The following CFAP20 variants were observed in gnomAD, a reference collection of about 807,000 sequenced individuals.
The protein encoded by CFAP20 is cilia and flagella associated protein 20.
CFAP20 carries 14 observed loss-of-function variants against 25.5 expected under a neutral mutation model. The ratio of observed to expected loss-of-function variants is 0.55; its 90% confidence interval spans 0.36 to 0.86. The LOEUF (loss-of-function observed/expected upper bound fraction) is 0.86, where lower values mean the gene tolerates loss of function less well. CFAP20 is among the 40% of genes least tolerant of loss of function. The pLI, the probability that CFAP20 is intolerant of heterozygous loss-of-function variation, is 0.01. For missense variants in CFAP20, 181 were observed against 248.0 expected (o/e 0.73, Z 1.81); for synonymous variants, 75 against 91.1 (o/e 0.82, Z 1.01).
At position 58,128,373 on chromosome 16, in the gene CFAP20, G is replaced by GCA. The variant is rs1459158674; in HGVS notation, c.84+657_84+658dup. On this transcript the variant is annotated intron_variant, in intron 1 of 5. Coordinates refer to ENST00000262498, the MANE Select transcript of CFAP20 (RefSeq NM_013242.3). ...CTGATGGAGAAATCAGGCACCGAGG[G>GCA]CATAGTACAGGCAAGTCACAGTGAG... Among the ~76,000 whole-genome samples, 5 of 152,272 alleles carry GCA rather than the reference G, an allele frequency of 3.3e-5. No individual in the cohort carries two copies. In the East Asian group the frequency reaches 9.7e-4, roughly 29 times the overall value.
chr16:58,123,412 C>T (rs567835436), intron 1 of CFAP20, among the ~76,000 whole-genome samples: 55 of 148,770 alleles, frequency 3.7e-4, no homozygotes, highest in African/African-American at 8.3e-4. Context: ...CTGGCTAACA[C>T]GGTGAAAACC....
At chr16:58,115,008 G>A in intron 4 of CFAP20, 88 bp from the exon 5 acceptor site, 1 of 1,225,294 alleles carries the variant, frequency 8.2e-7, no homozygotes, top group South Asian at 1.3e-5. Context: ...TCCAGGACTG[G>A]AAACGCGTCA....
At chr16:58,119,804 C>T (rs1278743646) in intron 1 of CFAP20, among the ~76,000 whole-genome samples, 1 of 151,254 alleles carries the variant, frequency 6.6e-6, no homozygotes, top group Non-Finnish European at 1.5e-5. Flanking sequence ...ACCTCACTCG[C>T]CATCTACTGT....
chr16:58,121,771 T>C (rs1960538431), intron 1 of CFAP20, among the ~76,000 whole-genome samples: 2 of 151,864 alleles, frequency 1.3e-5, no homozygotes, highest in South Asian at 4.2e-4. Flanking sequence ...CTCCCCGCAA[T>C]GTAAGCCTCA....
chr16:58,124,028 A>C (rs1419028677), intron 1 of CFAP20, among the ~76,000 whole-genome samples: 1 of 152,200 alleles, frequency 6.6e-6, no homozygotes, highest in Non-Finnish European at 1.5e-5. Context: ...GCCCAGCAGA[A>C]GGACCAGGAA....
intron 3 of CFAP20, 129 bp from the exon 4 acceptor site, chr16:58,115,586 AC>A: frequency 9.0e-7 from 1 of 1,111,690 alleles, no homozygotes; most frequent in Non-Finnish European, 1.3e-6. Context: ...AAATAAACAG[AC>A]CAGACACAGG....
intron 2 of CFAP20, 174 bp downstream of exon 2, chr16:58,116,686 TCTGCCCATTGTA>T: frequency 1.8e-6 from 1 of 548,714 alleles, no homozygotes; most frequent in Non-Finnish European, 3.2e-6. Context: ...GTACTATTAT[TCTGCCCATTGTA>T]CAGATGAGTA....
At chr16:58,118,752 G>T (rs184150820) in intron 1 of CFAP20, among the ~76,000 whole-genome samples, 1 of 152,072 alleles carries the variant, frequency 6.6e-6, no homozygotes, top group Admixed American at 6.6e-5. Context: ...AGCCTGGGAG[G>T]TCGAGGCTGC....
intron 1 of CFAP20, among the ~76,000 whole-genome samples, chr16:58,121,936 G>C (rs756543312): frequency 6.6e-6 from 1 of 152,220 alleles, no homozygotes; most frequent in Non-Finnish European, 1.5e-5. Flanking sequence ...CACCCACTCA[G>C]CCTGGCAGGC....
rs112096563 is a variant in CFAP20 at position 58,114,307 on chromosome 16, C to T, written c.577-277G>A. ...GTTTGGGAGGCCGAGGCAGGCGGAT[C>T]ACTTGAGGTCAGGAGTTTGAGACCA... On this transcript the variant is annotated intron_variant, in intron 5 of 5. Transcript: ENST00000262498. 9.3e-3 allele frequency among the ~76,000 whole-genome samples: 1,414 copies of T among 152,274 alleles called. 21 individuals carry two copies. Among genetic ancestry groups the T allele is most frequent in the African/African-American group, 0.032 (1,340 of 41,568 alleles).
At chr16:58,117,226 C>T (rs1437157672) in intron 1 of CFAP20, 2 of 474,658 alleles carry the variant, frequency 4.2e-6, no homozygotes, top group Non-Finnish European at 7.5e-6. Flanking sequence ...TGAATGCCTA[C>T]TATGCACCAG....
chr16:58,114,915 A>T lies in CFAP20; in HGVS notation c.471T>A (p.His157Gln), dbSNP rs368456885. 1 of 1,612,114 alleles carries T rather than the reference A, an allele frequency of 6.2e-7. No homozygotes were observed. The highest frequency in any genetic ancestry group is 8.5e-7 in the Non-Finnish European group (1 of 1,178,286). ...AAACCCGTCGGATGCGACAATTTGC[A>T]TGGATCTGTCAAGGCAATGCTTCTT... The part of the protein sequence containing the change: ...NYIETLRVQI[H>Q]ANCRIRRVYF... The change falls in exon 5 of 6, where the codon CAT (histidine) becomes CAA (glutamine). Residue 157 changes from histidine to glutamine, a missense_variant. Transcript: ENST00000262498.
chr16:58,127,659 T>G (rs540226496), intron 1 of CFAP20, among the ~76,000 whole-genome samples: 3 of 152,364 alleles, frequency 2.0e-5, no homozygotes, highest in South Asian at 4.1e-4. Context: ...ACTGCTTTCC[T>G]GTACTCTGGC....
intron 1 of CFAP20, among the ~76,000 whole-genome samples, chr16:58,120,647 C>A (rs902691085): frequency 9.9e-5 from 15 of 152,240 alleles, no homozygotes; most frequent in Admixed American, 7.8e-4. Context: ...GGCAAGCTAA[C>A]TTTTAGTTGG....
chr16:58,126,523 C>T (rs1277115113), intron 1 of CFAP20, among the ~76,000 whole-genome samples: 1 of 152,140 alleles, frequency 6.6e-6, no homozygotes, highest in Non-Finnish European at 1.5e-5. Flanking sequence ...TCTATATATA[C>T]TCATGAAAGA....
chr16:58,120,351 A>C (rs1302540136), intron 1 of CFAP20, among the ~76,000 whole-genome samples: 2 of 152,226 alleles, frequency 1.3e-5, no homozygotes, highest in Non-Finnish European at 2.9e-5. Flanking sequence ...CTATTGATCC[A>C]CCCTTATTTA....
chr16:58,114,710 C>A, intron 5 of CFAP20, 100 bp downstream of exon 5: 1 of 921,916 alleles, frequency 1.1e-6, no homozygotes. Context: ...AGTGTCAACA[C>A]AGAGAGGCTC....
intron 5 of CFAP20, among the ~76,000 whole-genome samples, chr16:58,114,342 G>A (rs3784912): frequency 0.079 from 11,961 of 152,106 alleles, 540 homozygotes; most frequent in South Asian, 0.21. Context: ...AGCCTGGCCA[G>A]CATGGTGAAA....
intron 1 of CFAP20, among the ~76,000 whole-genome samples, chr16:58,128,240 G>A (rs1960647766): frequency 6.6e-6 from 1 of 152,166 alleles, no homozygotes; most frequent in Non-Finnish European, 1.5e-5. Context: ...ATCTCGTGGG[G>A]CCAAACACAT....
Sources: allele counts gnomAD v4.1 joint callset (sites outside exome capture counted in the v4.1 genomes callset), GRCh38; gene constraint gnomAD v4.1.1; transcripts MANE v1.5; gene names NCBI Gene and HGNC (gene_info 2026-07-23, HGNC 2026-07-21).